The following FHIT variants were observed in gnomAD, a reference collection of about 807,000 sequenced individuals.
FHIT encodes bis(5'-adenosyl)-triphosphatase.
Under a neutral mutation model 17.9 loss-of-function variants are expected in FHIT, and 19 were observed. The ratio of observed to expected loss-of-function variants is 1.06; its 90% CI spans 0.74 to 1.56. FHIT has a LOEUF of 1.56. Among genes scored for constraint, FHIT ranks in the 40% most tolerant of loss-of-function variants. FHIT has a pLI of 0.00. For synonymous variants in FHIT, 81 were observed against 69.7 expected (o/e 1.16, Z -0.81); for missense variants, 248 against 189.2 (o/e 1.31, Z -1.82).
In FHIT at chr3:60,770,338, G is replaced by C. The variant is rs140070786; in HGVS notation, c.-18+51581C>G. On this transcript the variant is annotated intron_variant, in intron 4 of 9. Coordinates refer to ENST00000492590, the MANE Select transcript of FHIT (RefSeq NM_002012.4). The stretch of plus-strand genomic sequence containing the variant: ...AAGGGATCAGAGCGAAATTTGTCTC[G>C]CGTGGCTGCCCAATATCCTCTGGAT... Among the ~76,000 whole-genome samples the C allele has an allele frequency of 2.0e-5, 3 of 151,664 alleles. No homozygotes were observed. The East Asian group carries it at 5.8e-4, about 29-fold the overall frequency.
chr3:60,454,985 T>C (rs1419182675), intron 5 of FHIT, among the ~76,000 whole-genome samples: 2 of 152,128 alleles, frequency 1.3e-5, no homozygotes, highest in Admixed American at 6.5e-5. Context: ...AGCTCTGATA[T>C]GAACCCAACT....
At chr3:59,933,311 T>C (rs1706064636) in intron 7 of FHIT, among the ~76,000 whole-genome samples, 1 of 152,182 alleles carries the variant, frequency 6.6e-6, no homozygotes, top group African/African-American at 2.4e-5. Flanking sequence ...ACTTACGTAT[T>C]TATAGTAATA....
intron 7 of FHIT, among the ~76,000 whole-genome samples, chr3:59,948,223 G>C (rs907435982): frequency 1.3e-5 from 2 of 151,880 alleles, no homozygotes; most frequent in African/African-American, 4.8e-5. Flanking sequence ...GAAATCACTC[G>C]GCCAGGCGCA....
intron 4 of FHIT, among the ~76,000 whole-genome samples, chr3:60,596,675 G>A (rs1377779829): frequency 1.3e-5 from 2 of 152,010 alleles, no homozygotes; most frequent in Admixed American, 6.6e-5. Flanking sequence ...GTGGGTAATG[G>A]CTAAATCTCA....
intron 8 of FHIT, among the ~76,000 whole-genome samples, chr3:59,817,455 C>T (rs1575543226): frequency 6.7e-6 from 1 of 150,334 alleles, no homozygotes; most frequent in Admixed American, 6.7e-5. Flanking sequence ...GCTATGACAT[C>T]AGGGAGGCTG....
At chr3:60,637,683 A>C (rs1310582917) in intron 4 of FHIT, among the ~76,000 whole-genome samples, 1 of 152,232 alleles carries the variant, frequency 6.6e-6, no homozygotes, top group East Asian at 1.9e-4. Context: ...TGAAGTGCAG[A>C]GAAGTATCCT....
At chr3:60,294,421 A>G (rs1708118628) in intron 5 of FHIT, among the ~76,000 whole-genome samples, 1 of 152,190 alleles carries the variant, frequency 6.6e-6, no homozygotes, top group Non-Finnish European at 1.5e-5. Flanking sequence ...GAACGTGACC[A>G]AGGTCACAAG....
At chr3:60,855,405 G>C (rs1388293459) in intron 3 of FHIT, among the ~76,000 whole-genome samples, 2 of 152,056 alleles carry the variant, frequency 1.3e-5, no homozygotes, top group African/African-American at 4.8e-5. Context: ...CTTCTTTCCT[G>C]TTTTAGATGC....
chr3:60,754,696 T>C (rs79582651), intron 4 of FHIT, among the ~76,000 whole-genome samples: 1,734 of 152,236 alleles, frequency 0.011, 31 homozygotes, highest in Admixed American at 0.039. Context: ...TCAGTGGTAA[T>C]GTCAGCCTTA....
rs560287264 is a variant in FHIT at position 60,484,564 on chromosome 3, T to C, written c.103+52296A>G. ...CAACAAACCTGACAAAAACAAGCAATGGGGAAAGGATTTCTTATTCAATAA... is the reference window on the plus strand; with the variant it reads ...CAACAAACCTGACAAAAACAAGCAACGGGGAAAGGATTTCTTATTCAATAA... On this transcript the variant is annotated intron_variant, in intron 5 of 9. Coordinates refer to ENST00000492590, the MANE Select transcript of FHIT (RefSeq NM_002012.4). Among the ~76,000 whole-genome samples, 10 of 152,160 alleles carry C rather than the reference T, an allele frequency of 6.6e-5. No individual in the cohort carries two copies. In the East Asian group the frequency reaches 1.9e-3, roughly 29 times the overall value.
chr3:60,312,878 C>T lies in FHIT; in HGVS notation c.103+223982G>A, dbSNP rs189535007. On this transcript the variant is annotated intron_variant, in intron 5 of 9. Transcript: ENST00000492590. ...AAACAAAACCTTCCACAAAGAATCA[C>T]CTCAATTCACTACAGAGAAAATGTG... is the stretch of plus-strand genomic sequence containing the variant. Among the ~76,000 whole-genome samples the T allele has an allele frequency of 6.3e-4, 96 of 152,240 alleles. 1 individual carries two copies. Among genetic ancestry groups the T allele is most frequent in the Admixed American group, 3.8e-3 (58 of 15,280 alleles).
intron 4 of FHIT, among the ~76,000 whole-genome samples, chr3:60,800,626 G>A (rs35100604): frequency 0.26 from 39,348 of 152,080 alleles, 5,432 homozygotes; most frequent in Middle Eastern, 0.32. Context: ...AAATGGGTAC[G>A]CTTGTACAAG....
At chr3:61,070,134 T>G (rs2034753960) in intron 2 of FHIT, among the ~76,000 whole-genome samples, 1 of 152,142 alleles carries the variant, frequency 6.6e-6, no homozygotes, top group African/African-American at 2.4e-5. Flanking sequence ...CCTCAAATGA[T>G]CCACTCAACT....
intron 4 of FHIT, among the ~76,000 whole-genome samples, chr3:60,765,303 C>G (rs968078194): frequency 1.3e-5 from 2 of 152,096 alleles, no homozygotes; most frequent in Non-Finnish European, 2.9e-5. Context: ...GTTTAGACAC[C>G]AAGAGACTGG....
intron 4 of FHIT, among the ~76,000 whole-genome samples, chr3:60,736,832 T>C (rs9311776): frequency 0.026 from 3,940 of 152,172 alleles, 196 homozygotes; most frequent in African/African-American, 0.089. Flanking sequence ...AGAAAAAAAA[T>C]GGTAGCCTAT....
At chr3:60,356,477 G>T (rs1699655652) in intron 5 of FHIT, among the ~76,000 whole-genome samples, 1 of 152,058 alleles carries the variant, frequency 6.6e-6, no homozygotes, top group Non-Finnish European at 1.5e-5. Context: ...TTTCTTATAT[G>T]ATAACCACAG....
chr3:61,043,208 G>GGAA (rs1300393068), intron 2 of FHIT, among the ~76,000 whole-genome samples: 2 of 152,166 alleles, frequency 1.3e-5, no homozygotes, highest in African/African-American at 4.8e-5. Flanking sequence ...CCTAGCCAAG[G>GGAA]GAAGCTGTGA....
At chr3:60,501,933 C>T (rs779577705) in intron 5 of FHIT, among the ~76,000 whole-genome samples, 2 of 152,110 alleles carry the variant, frequency 1.3e-5, no homozygotes, top group Non-Finnish European at 2.9e-5. Flanking sequence ...GCCATCCAGG[C>T]GGTTCTTTGA....
intron 5 of FHIT, among the ~76,000 whole-genome samples, chr3:60,269,503 T>G (rs1706757814): frequency 6.6e-6 from 1 of 152,226 alleles, no homozygotes; most frequent in Non-Finnish European, 1.5e-5. Context: ...AAAAGTTGCT[T>G]TAGCTTATCG....
Sources: allele counts gnomAD v4.1 joint callset (sites outside exome capture counted in the v4.1 genomes callset), GRCh38; gene constraint gnomAD v4.1.1; transcripts MANE v1.5; gene names NCBI Gene and HGNC (gene_info 2026-07-23, HGNC 2026-07-21).